RBMS3: variants seen among roughly 807,000 people sequenced by gnomAD.
RBMS3 encodes the protein RNA-binding motif, single-stranded-interacting protein 3.
A neutral mutation model predicts 66.8 loss-of-function variants in RBMS3; 27 were observed. The ratio of observed to expected loss-of-function variants is 0.40; its 90% CI spans 0.30 to 0.56. RBMS3 has a LOEUF of 0.56. Ranked by LOEUF, RBMS3 falls within the 20% of genes least tolerant of loss-of-function variation. RBMS3 has a pLI of 0.40. For synonymous variants in RBMS3, 188 were observed against 183.0 expected (o/e 1.03, Z -0.22); for missense variants, 513 against 549.5 (o/e 0.93, Z 0.66).
At chr3:29,296,530 C>G (rs145605289) in intron 1 of RBMS3, among the ~76,000 whole-genome samples, 134 of 151,798 alleles carry the variant, frequency 8.8e-4, no homozygotes, top group Admixed American at 6.3e-3. Flanking sequence ...TTTCCTTTTT[C>G]TAGCCTGTAC....
chr3:29,585,958 T>G (rs2047506080), intron 3 of RBMS3, among the ~76,000 whole-genome samples: 1 of 152,046 alleles, frequency 6.6e-6, no homozygotes, highest in Non-Finnish European at 1.5e-5. Flanking sequence ...AAAAAGTTAA[T>G]TAAAAGAAAC....
rs1054590481 is a variant in RBMS3, at chr3:30,006,626, C to G, written c.*2764C>G. On this transcript the variant is annotated 3_prime_UTR_variant, in exon 15 of 15. Transcript: ENST00000383767. ...AAGACATGTATGAGAACCATATTTT[C>G]TGTTTCTCTTTTTCACTCTCTAAAC... The G allele has an allele frequency of 6.6e-6, 1 of 151,854 alleles. No individual in the cohort carries two copies. Among genetic ancestry groups the G allele is most frequent in the African/African-American group, 2.4e-5 (1 of 41,398 alleles). The allele number at this position is 151,854 out of a possible 1,614,324, so 9.4% of individuals were successfully genotyped here. A position where few individuals can be genotyped will look rare whatever the true frequency, so the allele number is the denominator to read the frequency against.
rs548555899 is a variant in RBMS3 at position 29,726,268 on chromosome 3, A to C, written c.400-13452A>C. 5.3e-5 allele frequency among the ~76,000 whole-genome samples: 8 copies of C among 152,308 alleles called. No individual in the cohort carries two copies. The South Asian group carries it at 1.7e-3, about 32-fold the overall frequency. On this transcript the variant is annotated intron_variant, in intron 4 of 14. Transcript: ENST00000383767. ...GCCAATATCATACCGAATGGGCAAA[A>C]GCTGGAAGCATTCCCTTTGAAAACT...
At chr3:29,517,958 A>G (rs561855276) in intron 3 of RBMS3, among the ~76,000 whole-genome samples, 1 of 152,280 alleles carries the variant, frequency 6.6e-6, no homozygotes, top group East Asian at 1.9e-4. Context: ...CCCCTAAATA[A>G]TCATTCTTGT....
intron 7 of RBMS3, among the ~76,000 whole-genome samples, chr3:29,874,440 A>T (rs2059563375): frequency 6.6e-6 from 1 of 152,210 alleles, no homozygotes; most frequent in Admixed American, 6.5e-5. Flanking sequence ...CTTTGTTTAT[A>T]CCACAGTGCT....
chr3:29,403,384 G>T (rs556858925), intron 1 of RBMS3, among the ~76,000 whole-genome samples: 8 of 152,052 alleles, frequency 5.3e-5, no homozygotes, highest in African/African-American at 1.9e-4. Context: ...AAGTTGAGAT[G>T]TGGCTGTAGG....
chr3:29,617,806 C>A (rs1179250422), intron 4 of RBMS3, among the ~76,000 whole-genome samples: 3 of 152,126 alleles, frequency 2.0e-5, no homozygotes, highest in Non-Finnish European at 4.4e-5. Context: ...ATATTCATTT[C>A]TTCTTCCTAC....
chr3:29,855,236 A>T (rs1358215472), intron 6 of RBMS3, among the ~76,000 whole-genome samples: 1 of 152,192 alleles, frequency 6.6e-6, no homozygotes, highest in Non-Finnish European at 1.5e-5. Flanking sequence ...TACAATGAGT[A>T]AGTGGTGAAA....
rs745367344 is a variant in RBMS3 at position 29,587,248 on chromosome 3, T to TTGTGTG, written c.399+68_399+73dup. 1.4e-4 allele frequency: 51 copies of TTGTGTG among 366,732 alleles called. 1 individual carries two copies. In the African/African-American group the frequency reaches 1.7e-3, roughly 12 times the overall value. 22.7% of individuals were successfully genotyped at this position (366,732 alleles called of 1,614,324 possible). The stretch of plus-strand genomic sequence containing the variant: ...GGGTGTTTTTTTTTTTTTTTTTTTT[T>TTGTGTG]TGTGTGTGTGTGTGTGTGTGTGTGT... On this transcript the variant is annotated intron_variant, in intron 4 of 14. Transcript: ENST00000383767.
chr3:29,511,163 G>A (rs75738939), intron 3 of RBMS3, among the ~76,000 whole-genome samples: 2,615 of 152,188 alleles, frequency 0.017, 72 homozygotes, highest in African/African-American at 0.06. Flanking sequence ...GGGACATGGC[G>A]GCATGCACCT....
At chr3:29,460,072 G>A (rs1229128853) in intron 2 of RBMS3, among the ~76,000 whole-genome samples, 1 of 152,158 alleles carries the variant, frequency 6.6e-6, no homozygotes, top group Non-Finnish European at 1.5e-5. Flanking sequence ...TTGCCACACA[G>A]AACAAAGTTA....
intron 1 of RBMS3, among the ~76,000 whole-genome samples, chr3:29,425,336 T>C (rs1256266155): frequency 6.6e-6 from 1 of 151,968 alleles, no homozygotes; most frequent in African/African-American, 2.4e-5. Flanking sequence ...ATTGTGCCAT[T>C]GCACTCCAGC....
chr3:29,639,885 T>C (rs567269005), intron 4 of RBMS3, among the ~76,000 whole-genome samples: 3 of 151,852 alleles, frequency 2.0e-5, no homozygotes, highest in African/African-American at 4.8e-5. Flanking sequence ...CAGGAGAAAA[T>C]TGAATAACTG....
At chr3:29,978,407 T>G (rs1441740767) in intron 12 of RBMS3, among the ~76,000 whole-genome samples, 1 of 152,128 alleles carries the variant, frequency 6.6e-6, no homozygotes, top group African/African-American at 2.4e-5. Context: ...GTTCTTAATT[T>G]TCAAACAAGT....
intron 5 of RBMS3, among the ~76,000 whole-genome samples, chr3:29,742,130 C>G (rs1241088372): frequency 6.6e-6 from 1 of 152,054 alleles, no homozygotes; most frequent in Non-Finnish European, 1.5e-5. Flanking sequence ...GCATATTTTT[C>G]TTAAGTACAG....
chr3:29,513,444 G>A (rs1400382410), intron 3 of RBMS3, among the ~76,000 whole-genome samples: 1 of 151,976 alleles, frequency 6.6e-6, no homozygotes, highest in East Asian at 1.9e-4. Flanking sequence ...ATTCCAACTG[G>A]CCCCCACCCA....
intron 4 of RBMS3, among the ~76,000 whole-genome samples, chr3:29,627,596 T>C (rs907781223): frequency 6.6e-6 from 1 of 152,166 alleles, no homozygotes; most frequent in Non-Finnish European, 1.5e-5. Flanking sequence ...TCTGTGAATA[T>C]CCCAGAAGGA....
chr3:29,344,637 T>G (rs533847023), intron 1 of RBMS3, among the ~76,000 whole-genome samples: 2 of 152,286 alleles, frequency 1.3e-5, no homozygotes, highest in East Asian at 3.9e-4. Flanking sequence ...AGGCTACCCT[T>G]AGAAAGGTGA....
intron 10 of RBMS3, among the ~76,000 whole-genome samples, chr3:29,908,423 T>C (rs896284368): frequency 1.3e-5 from 2 of 152,160 alleles, no homozygotes; most frequent in African/African-American, 4.8e-5. Flanking sequence ...TGACTAGTTG[T>C]TGATAATTAG....
Sources: gnomAD v4.1 joint callset for allele counts (sites outside exome capture counted in the v4.1 genomes callset) on GRCh38, gnomAD v4.1.1 for gene constraint, MANE v1.5 for transcripts, NCBI Gene and HGNC (gene_info 2026-07-23, HGNC 2026-07-21) for gene names.